The following DLG2 variants were observed in gnomAD, a reference collection of about 807,000 sequenced individuals.
The protein encoded by DLG2 is discs large MAGUK scaffold protein 2.
DLG2 carries 45 observed loss-of-function variants against 132.5 expected under a neutral mutation model. The ratio of observed to expected loss-of-function variants is 0.34; its 90% CI spans 0.27 to 0.44. DLG2 has a LOEUF of 0.44. DLG2 is among the 20% of genes least tolerant of loss of function. DLG2 has a pLI of 1.00. For synonymous variants in DLG2, 424 were observed against 419.6 expected (o/e 1.01, Z -0.13); for missense variants, 1,045 against 1,196.9 (o/e 0.87, Z 1.87).
intron 6 of DLG2, among the ~76,000 whole-genome samples, chr11:84,641,558 C>T (rs141726039): frequency 1.3e-5 from 2 of 152,068 alleles, no homozygotes; most frequent in Non-Finnish European, 2.9e-5. Flanking sequence ...TGCTCCAAAC[C>T]TGGTGTTTTT....
At chr11:83,520,455 GA>G (rs1384102485) in intron 21 of DLG2, among the ~76,000 whole-genome samples, 1 of 152,142 alleles carries the variant, frequency 6.6e-6, no homozygotes, top group Admixed American at 6.5e-5. Context: ...CACAGAAAGG[GA>G]AAAATCATAA....
chr11:85,062,593 T>C (rs1315113878), intron 6 of DLG2, among the ~76,000 whole-genome samples: 1 of 151,580 alleles, frequency 6.6e-6, no homozygotes, highest in African/African-American at 2.4e-5. Flanking sequence ...TCATACAGCT[T>C]GTTAGGGCAA....
intron 5 of DLG2, among the ~76,000 whole-genome samples, chr11:85,150,138 G>A (rs1282405602): frequency 6.7e-6 from 1 of 149,822 alleles, no homozygotes; most frequent in East Asian, 2.0e-4. Context: ...TCCTGCCTCG[G>A]CCTCCCCAGT....
intron 3 of DLG2, among the ~76,000 whole-genome samples, chr11:85,480,905 ACT>A (rs2093273236): frequency 6.6e-6 from 1 of 152,210 alleles, no homozygotes. Flanking sequence ...TTTAAGTAAA[ACT>A]CTTTCAAAAT....
chr11:83,819,107 T>C (rs1351590678), intron 17 of DLG2, among the ~76,000 whole-genome samples: 1 of 152,096 alleles, frequency 6.6e-6, no homozygotes, highest in Non-Finnish European at 1.5e-5. Context: ...ATGTGCCTGA[T>C]GATGATCACG....
intron 3 of DLG2, among the ~76,000 whole-genome samples, chr11:85,380,518 G>C (rs574843558): frequency 6.6e-6 from 1 of 152,154 alleles, no homozygotes; most frequent in South Asian, 2.1e-4. Context: ...AAATTTACTG[G>C]GCGTGGTGGC....
At chr11:84,727,965 G>T (rs1446373989) in intron 6 of DLG2, among the ~76,000 whole-genome samples, 1 of 152,174 alleles carries the variant, frequency 6.6e-6, no homozygotes, top group Admixed American at 6.5e-5. Flanking sequence ...CTTTGCTGAG[G>T]TTGCTTATCA....
At chr11:85,516,387 C>G (rs988270913) in intron 3 of DLG2, among the ~76,000 whole-genome samples, 3 of 151,502 alleles carry the variant, frequency 2.0e-5, no homozygotes, top group African/African-American at 4.8e-5. Flanking sequence ...CCTCAAGGAC[C>G]CAGAAGAATA....
At chr11:84,744,985 A>C (rs1214035465) in intron 6 of DLG2, among the ~76,000 whole-genome samples, 2 of 151,860 alleles carry the variant, frequency 1.3e-5, no homozygotes, top group Non-Finnish European at 2.9e-5. Context: ...AGATATCCAA[A>C]AGATTTCTCG....
chr11:83,737,509 T>C (rs2092054897), intron 18 of DLG2, among the ~76,000 whole-genome samples: 1 of 152,386 alleles, frequency 6.6e-6, no homozygotes, highest in African/African-American at 2.4e-5. Context: ...CTGAAAGATA[T>C]GTTTCTACTT....
At chr11:84,794,922 G>A (rs763813373) in intron 6 of DLG2, among the ~76,000 whole-genome samples, 5 of 152,168 alleles carry the variant, frequency 3.3e-5, no homozygotes, top group Non-Finnish European at 7.3e-5. Flanking sequence ...TGTGTGCCGT[G>A]GGCACCATCG....
chr11:83,854,777 T>A (rs894239713), intron 16 of DLG2, among the ~76,000 whole-genome samples: 1 of 152,132 alleles, frequency 6.6e-6, no homozygotes, highest in Non-Finnish European at 1.5e-5. Context: ...AAATAGAACA[T>A]ATGTTTTTAA....
At chr11:83,709,891 A>T (rs1348929289) in intron 18 of DLG2, among the ~76,000 whole-genome samples, 2 of 152,226 alleles carry the variant, frequency 1.3e-5, no homozygotes, top group Non-Finnish European at 2.9e-5. Context: ...TACAGCCTCT[A>T]AAAATCAGGT....
intron 3 of DLG2, among the ~76,000 whole-genome samples, chr11:85,593,731 A>C (rs2079531574): frequency 1.3e-5 from 2 of 152,194 alleles, no homozygotes; most frequent in Non-Finnish European, 2.9e-5. Flanking sequence ...AATAGCCGTG[A>C]TATATTCAAA....
intron 6 of DLG2, among the ~76,000 whole-genome samples, chr11:84,578,669 A>T (rs976326868): frequency 6.6e-6 from 1 of 152,174 alleles, no homozygotes; most frequent in Admixed American, 6.5e-5. Context: ...GCTCATAGGC[A>T]GAAGGGACTT....
intron 5 of DLG2, among the ~76,000 whole-genome samples, chr11:85,122,976 T>TATATATATATATATA (rs60973860): frequency 1.6e-3 from 91 of 58,374 alleles, no homozygotes; most frequent in South Asian, 8.6e-3. Flanking sequence ...TATATTTTTT[T>TATATATATATATATA]TTTTTTTTTT....
At chr11:83,598,872 C>T (rs2058066527) in intron 19 of DLG2, among the ~76,000 whole-genome samples, 1 of 152,134 alleles carries the variant, frequency 6.6e-6, no homozygotes, top group South Asian at 2.1e-4. Flanking sequence ...GTAGTATCTT[C>T]AAGGCTACTG....
chr11:83,979,702 T>C (rs766516455), intron 12 of DLG2, among the ~76,000 whole-genome samples: 50 of 152,234 alleles, frequency 3.3e-4, no homozygotes, highest in Admixed American at 1.3e-4. Flanking sequence ...AGAGATCCAT[T>C]TACACATGTA....
chr11:83,962,768 G>A lies in DLG2; in HGVS notation c.1340+117C>T. On this transcript the variant is annotated intron_variant, in intron 14 of 27. Coordinates refer to ENST00000376104, the MANE Select transcript of DLG2 (RefSeq NM_001142699.3). ...GCACCTGAGGCAAAACTACAATAAG[G>A]TTGAATGGGACCCAGAAGCTTTAGT... The A allele has an allele frequency of 3.8e-6, 5 of 1,332,640 alleles. No homozygotes were observed. In the South Asian group the frequency reaches 5.6e-5, roughly 15 times the overall value. 82.6% of individuals were successfully genotyped at this position (1,332,640 alleles called of 1,614,324 possible).
Sources: gnomAD v4.1 joint callset for allele counts (sites outside exome capture counted in the v4.1 genomes callset) on GRCh38, gnomAD v4.1.1 for gene constraint, MANE v1.5 for transcripts, NCBI Gene and HGNC (gene_info 2026-07-23, HGNC 2026-07-21) for gene names.